The following HDAC9 variants were observed in gnomAD, a reference collection of about 807,000 sequenced individuals.
HDAC9 encodes the protein MEF-2 interacting transcription repressor (MITR) protein.
In HDAC9, 41 loss-of-function variants were observed where a neutral mutation model predicts 139.4. That is an observed-to-expected ratio of 0.29 (90% CI 0.23 to 0.38). HDAC9 has a LOEUF of 0.38. Ranked by LOEUF, HDAC9 falls within the 10% of genes least tolerant of loss-of-function variation. The pLI is 1.00. For missense variants in HDAC9, 1,147 were observed against 1,297.0 expected, an observed-to-expected ratio of 0.88 and a Z score of 1.78; for synonymous variants, 517 against 476.2, an observed-to-expected ratio of 1.09 and a Z score of -1.12.
At chr7:18,609,027 A>C (rs1836333836) in intron 6 of HDAC9, among the ~76,000 whole-genome samples, 1 of 152,168 alleles carries the variant, frequency 6.6e-6, no homozygotes, top group African/African-American at 2.4e-5. Flanking sequence ...TTTTGGTTGT[A>C]AGCCTTCAAT....
intron 1 of HDAC9, among the ~76,000 whole-genome samples, chr7:18,472,646 G>A (rs1794813070): frequency 1.3e-5 from 2 of 152,156 alleles, no homozygotes; most frequent in South Asian, 2.1e-4. Context: ...GCTCCTTCAT[G>A]TTTTTCAGAT....
intron 22 of HDAC9, among the ~76,000 whole-genome samples, chr7:18,880,066 A>G (rs1471012151): frequency 1.3e-5 from 2 of 152,226 alleles, no homozygotes; most frequent in African/African-American, 4.8e-5. Context: ...AAGGCTCAAT[A>G]TCACTGATCA....
chr7:18,344,675 T>A (rs1050222620), intron 1 of HDAC9, among the ~76,000 whole-genome samples: 1 of 151,878 alleles, frequency 6.6e-6, no homozygotes, highest in Admixed American at 6.6e-5. Flanking sequence ...CAGAAAAAAA[T>A]AGGAGTTAAA....
intron 22 of HDAC9, among the ~76,000 whole-genome samples, chr7:18,927,387 C>T (rs1332268207): frequency 6.6e-6 from 1 of 152,090 alleles, no homozygotes. Flanking sequence ...ATGAGACTGC[C>T]ACATGCTACC....
chr7:18,227,435 A>G (rs554391364), intron 2 of HDAC9, among the ~76,000 whole-genome samples: 2 of 152,330 alleles, frequency 1.3e-5, no homozygotes, highest in African/African-American at 4.8e-5. Flanking sequence ...ACACATTTCC[A>G]TTGACATTGA....
chr7:18,754,172 C>G (rs1015039045), intron 14 of HDAC9, among the ~76,000 whole-genome samples: 2 of 151,968 alleles, frequency 1.3e-5, no homozygotes, highest in African/African-American at 4.8e-5. Context: ...ATTTTTTCCC[C>G]TACTGAATCA....
intron 2 of HDAC9, among the ~76,000 whole-genome samples, chr7:18,546,790 T>C (rs1178761773): frequency 1.3e-5 from 2 of 152,028 alleles, no homozygotes; most frequent in Non-Finnish European, 2.9e-5. Context: ...CACCTGAGAG[T>C]GTTCACAGTG....
intron 22 of HDAC9, among the ~76,000 whole-genome samples, chr7:18,923,989 A>G (rs1243481852): frequency 6.6e-6 from 1 of 152,030 alleles, no homozygotes; most frequent in Non-Finnish European, 1.5e-5. Flanking sequence ...AACCACTGTG[A>G]TAAGTATTTG....
chr7:18,985,070 C>CTATT (rs1057203422), intron 25 of HDAC9, among the ~76,000 whole-genome samples: 1 of 151,614 alleles, frequency 6.6e-6, no homozygotes, highest in African/African-American at 2.4e-5. Context: ...AATTCTTTTT[C>CTATT]TATTTATTTA....
At chr7:18,582,134 T>G (rs772040071) in intron 2 of HDAC9, among the ~76,000 whole-genome samples, 7 of 152,198 alleles carry the variant, frequency 4.6e-5, no homozygotes, top group Non-Finnish European at 1.0e-4. Flanking sequence ...AGGATTTCTG[T>G]TAGCCTTTTT....
chr7:18,239,150 G>C (rs1279651904), intron 2 of HDAC9, among the ~76,000 whole-genome samples: 1 of 151,646 alleles, frequency 6.6e-6, no homozygotes, highest in Non-Finnish European at 1.5e-5. Flanking sequence ...CCCCCTAAAA[G>C]ACAATGTTCA....
chr7:18,530,188 G>A (rs1270985623), intron 2 of HDAC9, among the ~76,000 whole-genome samples: 1 of 152,014 alleles, frequency 6.6e-6, no homozygotes, highest in African/African-American at 2.4e-5. Flanking sequence ...GGAAGGATTG[G>A]GGAGGTTGAG....
intron 1 of HDAC9, among the ~76,000 whole-genome samples, chr7:18,422,876 G>A (rs1029415530): frequency 6.6e-6 from 1 of 151,782 alleles, no homozygotes; most frequent in Non-Finnish European, 1.5e-5. Context: ...TAATTTTACT[G>A]CTTCTTTACA....
intron 17 of HDAC9, among the ~76,000 whole-genome samples, chr7:18,824,053 A>G (rs375016240): frequency 6.3e-4 from 68 of 108,180 alleles, no homozygotes; most frequent in African/African-American, 1.4e-3. Context: ...AGGAAGAAGA[A>G]GAAGAAGAAG....
At chr7:18,775,565 T>C (rs1282347326) in intron 16 of HDAC9, among the ~76,000 whole-genome samples, 3 of 152,064 alleles carry the variant, frequency 2.0e-5, no homozygotes, top group Non-Finnish European at 4.4e-5. Context: ...CTTAATCTAT[T>C]GCCTCTAAAG....
At chr7:18,919,044 T>G (rs1022827250) in intron 22 of HDAC9, among the ~76,000 whole-genome samples, 1 of 152,036 alleles carries the variant, frequency 6.6e-6, no homozygotes, top group African/African-American at 2.4e-5. Context: ...TAGAAAACTT[T>G]TTGCAATAAA....
chr7:18,931,466 T>G (rs1339405634), intron 22 of HDAC9, among the ~76,000 whole-genome samples: 2 of 152,140 alleles, frequency 1.3e-5, no homozygotes, highest in African/African-American at 2.4e-5. Flanking sequence ...TGTCAAGAAT[T>G]TTAAAACGTG....
chr7:18,887,832 A>C (rs1800300902), intron 22 of HDAC9, among the ~76,000 whole-genome samples: 1 of 151,990 alleles, frequency 6.6e-6, no homozygotes, highest in African/African-American at 2.4e-5. Flanking sequence ...TTCTTCCTCT[A>C]CCTAATCCCT....
At chr7:18,944,816 C>G (rs1420578545) in intron 23 of HDAC9, among the ~76,000 whole-genome samples, 1 of 152,056 alleles carries the variant, frequency 6.6e-6, no homozygotes, top group Non-Finnish European at 1.5e-5. Context: ...ATAATTCTTA[C>G]TCATTTTGCT....
Sources: gnomAD v4.1 joint callset for allele counts (sites outside exome capture counted in the v4.1 genomes callset) on GRCh38, gnomAD v4.1.1 for gene constraint, MANE v1.5 for transcripts, NCBI Gene and HGNC (gene_info 2026-07-23, HGNC 2026-07-21) for gene names.